Variants in TSPAN14 observed in about 807,000 individuals in gnomAD.
TSPAN14 encodes the protein tetraspanin 14.
TSPAN14 carries 16 observed loss-of-function variants against 36.6 expected under a neutral mutation model. The observed-to-expected ratio is 0.44, with a 90% CI of 0.30 to 0.66. The LOEUF is 0.66. Among genes scored for constraint, TSPAN14 ranks in the 30% least tolerant of loss-of-function variants. TSPAN14 has a pLI of 0.12. For synonymous variants in TSPAN14, 139 were observed against 143.8 expected (o/e 0.97, Z 0.24); for missense variants, 231 against 355.1 (o/e 0.65, Z 2.81).
intron 6 of TSPAN14, among the ~76,000 whole-genome samples, chr10:80,513,009 C>G (rs1840740103): frequency 6.6e-6 from 1 of 152,202 alleles, no homozygotes; most frequent in Admixed American, 6.5e-5. Flanking sequence ...AGCAATTCTC[C>G]AGCCTCAACC....
chr10:80,494,032 A>G (rs1052919953), intron 2 of TSPAN14, among the ~76,000 whole-genome samples: 4 of 152,352 alleles, frequency 2.6e-5, no homozygotes, highest in Non-Finnish European at 5.9e-5. Context: ...CCTTGCCTGG[A>G]TCTGCTTCAG....
chr10:80,499,799 A>G (rs1848392696), intron 2 of TSPAN14, among the ~76,000 whole-genome samples: 1 of 152,176 alleles, frequency 6.6e-6, no homozygotes, highest in African/African-American at 2.4e-5. Flanking sequence ...ATTCACAGTG[A>G]CCATAGCAGT....
At chr10:80,491,670 T>A (rs1195037742) in intron 2 of TSPAN14, among the ~76,000 whole-genome samples, 3 of 152,154 alleles carry the variant, frequency 2.0e-5, no homozygotes, top group Non-Finnish European at 4.4e-5. Flanking sequence ...AGTAGTGGAG[T>A]GCATGAATCC....
intron 2 of TSPAN14, among the ~76,000 whole-genome samples, chr10:80,496,381 A>G (rs772412485): frequency 5.3e-5 from 8 of 152,190 alleles, no homozygotes; most frequent in Non-Finnish European, 8.8e-5. Context: ...TGCATACTCT[A>G]TGAACTGTGT....
At chr10:80,479,933 T>A (rs1229715364) in intron 1 of TSPAN14, among the ~76,000 whole-genome samples, 1 of 146,800 alleles carries the variant, frequency 6.8e-6, no homozygotes, top group Non-Finnish European at 1.5e-5. Flanking sequence ...GAGCATGGAA[T>A]GTTCTTCCAT....
intron 1 of TSPAN14, among the ~76,000 whole-genome samples, chr10:80,481,568 G>A (rs1026182301): frequency 6.6e-5 from 10 of 152,168 alleles, no homozygotes; most frequent in African/African-American, 2.4e-4. Context: ...AGCATGAGGG[G>A]TGGCTTGCAG....
At chr10:80,471,491 A>C (rs980771277) in intron 1 of TSPAN14, among the ~76,000 whole-genome samples, 9 of 152,148 alleles carry the variant, frequency 5.9e-5, no homozygotes, top group Non-Finnish European at 1.3e-4. Context: ...CTAGCTGAGG[A>C]AGAGGCTCTG....
chr10:80,500,528 C>T (rs1427362935), intron 2 of TSPAN14, among the ~76,000 whole-genome samples: 1 of 151,856 alleles, frequency 6.6e-6, no homozygotes, highest in Non-Finnish European at 1.5e-5. Flanking sequence ...GGGGTTTCTC[C>T]ATGTTGGTGA....
chr10:80,457,654 G>A, intron 1 of TSPAN14, among the ~76,000 whole-genome samples: 1 of 152,160 alleles, frequency 6.6e-6, no homozygotes, highest in East Asian at 1.9e-4. Context: ...GCACAGCCTG[G>A]GCACATAGCA....
At chr10:80,500,491 G>A (rs1275092766) in intron 2 of TSPAN14, among the ~76,000 whole-genome samples, 1 of 151,644 alleles carries the variant, frequency 6.6e-6, no homozygotes, top group East Asian at 1.9e-4. Flanking sequence ...CACCACGCTC[G>A]GCTAATTTTT....
At chr10:80,488,669 C>A (rs1175982813) in intron 1 of TSPAN14, among the ~76,000 whole-genome samples, 1 of 152,160 alleles carries the variant, frequency 6.6e-6, no homozygotes, top group East Asian at 1.9e-4. Context: ...CTTGGCTTTT[C>A]TTCACTGGGC....
At chr10:80,461,863 G>A (rs1312816218) in intron 1 of TSPAN14, among the ~76,000 whole-genome samples, 2 of 151,972 alleles carry the variant, frequency 1.3e-5, no homozygotes, top group East Asian at 1.9e-4. Flanking sequence ...AAAGAGATAC[G>A]AGGGCTTCAG....
At chr10:80,493,873 A>G (rs1848051417) in intron 2 of TSPAN14, among the ~76,000 whole-genome samples, 1 of 151,990 alleles carries the variant, frequency 6.6e-6, no homozygotes, top group Admixed American at 6.6e-5. Context: ...GTTCATTTAT[A>G]CCCCCCACTG....
At chr10:80,457,181 G>A (rs1368071609) in intron 1 of TSPAN14, among the ~76,000 whole-genome samples, 1 of 151,904 alleles carries the variant, frequency 6.6e-6, no homozygotes, top group Non-Finnish European at 1.5e-5. Flanking sequence ...ATATGAGCTG[G>A]GTTTTCTCAT....
intron 8 of TSPAN14, 93 bp from the exon 9 acceptor site, chr10:80,517,812 G>A (rs554362463): frequency 2.2e-5 from 27 of 1,223,060 alleles, no homozygotes; most frequent in Admixed American, 4.0e-5. Context: ...GAGGAGAGGC[G>A]TGCAGTGGGA....
At chr10:80,471,934 T>G (rs1384108087) in intron 1 of TSPAN14, among the ~76,000 whole-genome samples, 1 of 152,196 alleles carries the variant, frequency 6.6e-6, no homozygotes, top group Non-Finnish European at 1.5e-5. Flanking sequence ...CCTAGCACTT[T>G]GGGAGCCCGA....
chr10:80,497,618 TG>T (rs1848263792), intron 2 of TSPAN14, among the ~76,000 whole-genome samples: 1 of 152,300 alleles, frequency 6.6e-6, no homozygotes, highest in East Asian at 1.9e-4. Context: ...AAAGTTAGGT[TG>T]GGGGGTTCCC....
chr10:80,497,997 C>T (rs1465839658), intron 2 of TSPAN14, among the ~76,000 whole-genome samples: 1 of 152,232 alleles, frequency 6.6e-6, no homozygotes, highest in Admixed American at 6.5e-5. Context: ...AGCATCCCTT[C>T]TGGCTCCCAG....
chr10:80,479,912 T>G (rs1424802160), intron 1 of TSPAN14, among the ~76,000 whole-genome samples: 2 of 148,878 alleles, frequency 1.3e-5, no homozygotes, highest in East Asian at 3.9e-4. Context: ...ATATTGATTC[T>G]TCCTACCCAT....
Sources: allele counts gnomAD v4.1 joint callset (sites outside exome capture counted in the v4.1 genomes callset), GRCh38; gene constraint gnomAD v4.1.1; transcripts MANE v1.5; gene names NCBI Gene and HGNC (gene_info 2026-07-23, HGNC 2026-07-21).